The following TARS2 variants were observed in gnomAD, a reference collection of about 807,000 sequenced individuals.
TARS2 encodes the protein threonine--tRNA ligase, mitochondrial.
In TARS2, 61 loss-of-function variants were observed where a neutral mutation model predicts 94.4. The ratio of observed to expected loss-of-function variants is 0.65; its 90% CI spans 0.53 to 0.80. The LOEUF (loss-of-function observed/expected upper bound fraction) is 0.80, where lower values mean the gene tolerates loss of function less well. Among genes scored for constraint, TARS2 ranks in the 30% least tolerant of loss-of-function variants. The probability of loss-of-function intolerance (pLI) is 0.00; values close to 1 mark genes in which losing one functional copy is unlikely to be tolerated. For synonymous variants in TARS2, 359 were observed against 353.4 expected, an observed-to-expected ratio of 1.02 and a Z score of -0.18; for missense variants, 704 against 902.5, an observed-to-expected ratio of 0.78 and a Z score of 2.82.
In TARS2 at chr1:150,498,210, C is replaced by T. The variant is rs1669757846; in HGVS notation, c.1239-292C>T. ...GGAAACTCATTTTACCTCTTTAGGT[C>T]TCAGTCTCCTTAAAGTTGCTATCTA... On this transcript the variant is annotated intron_variant, in intron 10 of 17. Coordinates refer to ENST00000369064, the MANE Select transcript of TARS2 (RefSeq NM_025150.5). Among the ~76,000 whole-genome samples, 4 of 152,118 alleles carry T rather than the reference C, an allele frequency of 2.6e-5. No homozygotes were observed. The South Asian group carries it at 8.3e-4, about 32-fold the overall frequency.
chr1:150,505,082 C>T, intron 16 of TARS2, 104 bp downstream of exon 16: 3 of 1,094,672 alleles, frequency 2.7e-6, no homozygotes, highest in South Asian at 2.9e-5. Context: ...GGAAGGAGCA[C>T]AGCCCTCACA....
intron 6 of TARS2, 161 bp from the exon 7 acceptor site, chr1:150,492,250 C>T (rs1669429769): frequency 2.9e-6 from 2 of 685,860 alleles, no homozygotes; most frequent in Non-Finnish European, 4.9e-6. Context: ...AGACATGAGC[C>T]ACCGCGCCCT....
At chr1:150,490,521 C>T in intron 3 of TARS2, 80 bp from the exon 4 acceptor site, 1 of 1,520,504 alleles carries the variant, frequency 6.6e-7, no homozygotes, top group South Asian at 1.3e-5. Flanking sequence ...TTCCTACCAG[C>T]TTTTGTGAGG....
intron 3 of TARS2, chr1:150,489,448 C>T: frequency 3.0e-6 from 1 of 329,360 alleles, no homozygotes; most frequent in East Asian, 8.6e-5. Context: ...ACCTGGTCAC[C>T]TCCCCACCTT....
intron 9 of TARS2, among the ~76,000 whole-genome samples, 172 bp downstream of exon 9, chr1:150,497,080 C>T (rs1227137762): frequency 2.0e-5 from 3 of 152,014 alleles, no homozygotes; most frequent in Non-Finnish European, 2.9e-5. Flanking sequence ...GTCAGGAGTT[C>T]GAGACCAGCC....
At chr1:150,487,555 C>G in intron 1 of TARS2, 39 bp downstream of exon 1, 3 of 1,613,496 alleles carry the variant, frequency 1.9e-6, no homozygotes, top group Non-Finnish European at 2.5e-6. Flanking sequence ...CCGCATCAGA[C>G]TTAGCCCAGC....
At chr1:150,498,147 A>C (rs1308571431) in intron 10 of TARS2, among the ~76,000 whole-genome samples, 1 of 151,652 alleles carries the variant, frequency 6.6e-6, no homozygotes, top group East Asian at 1.9e-4. Context: ...CACCGATTTG[A>C]GCCTACAGTC....
rs1157412853 is a variant in TARS2, at chr1:150,490,690, T to C, written c.477T>C (p.Tyr159=). ...AVLCRGPSTE[Y]GFYHDFFLGK... ...TCTGCAGAGGTCCAAGTACAGAATA[T>C]GGCTTTTACCATGATTTCTTCCTGG... Residue 159 remains tyrosine, a synonymous_variant, in exon 4 of 18, where the codon TAT becomes TAC. Transcript: ENST00000369064. The C allele has an allele frequency of 6.2e-7, 1 of 1,613,926 alleles. No homozygotes were observed. Among genetic ancestry groups the C allele is most frequent in the South Asian group, 1.1e-5 (1 of 91,062 alleles).
intron 13 of TARS2, among the ~76,000 whole-genome samples, chr1:150,500,358 C>T (rs952145080): frequency 1.4e-5 from 2 of 145,324 alleles, no homozygotes; most frequent in South Asian, 2.2e-4. Context: ...GGGAGGCCGA[C>T]GTGGGTGGAT....
chr1:150,495,156 G>A (rs1669604174), intron 7 of TARS2, among the ~76,000 whole-genome samples: 1 of 151,598 alleles, frequency 6.6e-6, no homozygotes, highest in Non-Finnish European at 1.5e-5. Context: ...CTCCAGCCTG[G>A]GCGACAGCGA....
In TARS2 at chr1:150,499,215, G is replaced by A; in HGVS notation, c.1540-1G>A. On this transcript the variant is annotated splice_acceptor_variant, in intron 12 of 17. Coordinates refer to ENST00000369064, the MANE Select transcript of TARS2 (RefSeq NM_025150.5). LOFTEE classifies it high-confidence loss of function. ...TCCACTCTTGTCTCATTCCTTCAAA[G>A]GTCCTTAAACAGGCCCTGAAGGAAT... 1 of 1,614,124 alleles carries A rather than the reference G, an allele frequency of 6.2e-7. No individual in the cohort carries two copies. The highest frequency in any genetic ancestry group is 8.5e-7 in the Non-Finnish European group (1 of 1,180,022).
At chr1:150,493,543 C>T (rs1374335781) in intron 7 of TARS2, among the ~76,000 whole-genome samples, 1 of 151,726 alleles carries the variant, frequency 6.6e-6, no homozygotes, top group Admixed American at 6.6e-5. Flanking sequence ...CACCTGAGGT[C>T]GGGAGTTCAA....
chr1:150,488,797 A>C (rs1170017528), intron 2 of TARS2, among the ~76,000 whole-genome samples, 167 bp from the exon 3 acceptor site: 1 of 151,940 alleles, frequency 6.6e-6, no homozygotes, highest in African/African-American at 2.4e-5. Context: ...CAACCTCTTC[A>C]TCTCCCCTCC....
At chr1:150,499,713 T>C (rs112297415) in intron 13 of TARS2, among the ~76,000 whole-genome samples, 1 of 152,078 alleles carries the variant, frequency 6.6e-6, no homozygotes, top group African/African-American at 2.4e-5. Context: ...AAAAACAATA[T>C]ACTTTCTGCC....
chr1:150,503,585 A>ATATATATATGTG (rs1461714331), intron 13 of TARS2, among the ~76,000 whole-genome samples: 12 of 137,174 alleles, frequency 8.7e-5, no homozygotes, highest in African/African-American at 3.2e-4. Context: ...GTGTATATAT[A>ATATATATATGTG]TGTGTGTGTG....
rs1244209934 is a variant in TARS2, at chr1:150,498,593, G to T, written c.1330G>T (p.Gly444Cys). 6.2e-7 allele frequency: 1 copy of T among 1,612,348 alleles called. No individual in the cohort carries two copies. The highest frequency in any genetic ancestry group is 1.1e-5 in the South Asian group (1 of 90,868). ...GALHRAEASGGLGGLTRLRCF... is the reference protein window; with the variant it reads ...GALHRAEASGCLGGLTRLRCF... ...TCTACACCGGGCCGAAGCCTCTGGTGGTCTGGGGGGACTGACCCGACTGCG... is the reference window on the plus strand; with the variant it reads ...TCTACACCGGGCCGAAGCCTCTGGTTGTCTGGGGGGACTGACCCGACTGCG... The change falls in exon 11 of 18, where the codon GGT (glycine) becomes TGT (cysteine). Residue 444 changes from glycine to cysteine, a missense_variant. This residue lies in a region of TARS2 where 466 missense variants were observed against 609.5 expected (regional missense o/e 0.76). Transcript: ENST00000369064.
rs10581752 is a variant in TARS2 at position 150,506,486 on chromosome 1, G to GCACACACACACA, written c.2009-411_2009-400dup. 2.0e-3 allele frequency among the ~76,000 whole-genome samples: 249 copies of GCACACACACACA among 123,778 alleles called. 3 individuals are homozygous for GCACACACACACA. Among genetic ancestry groups the GCACACACACACA allele is most frequent in the African/African-American group, 6.7e-3 (228 of 33,934 alleles). The allele number at this position is 123,778 out of a possible 152,430, so 81.2% of individuals were successfully genotyped here. A position where few individuals can be genotyped will look rare whatever the true frequency, so the allele number is the denominator to read the frequency against. ...TAATACCCCCTTCAGACACGCGCGC[G>GCACACACACACA]CACACACACACACACACACACACAC... On this transcript the variant is annotated intron_variant, in intron 17 of 17. Coordinates refer to ENST00000369064, the MANE Select transcript of TARS2 (RefSeq NM_025150.5).
In TARS2 at chr1:150,507,237, C is replaced by A; in HGVS notation, c.*173C>A. The A allele has an allele frequency of 3.6e-6, 3 of 833,870 alleles. No individual in the cohort carries two copies. The highest frequency in any genetic ancestry group is 5.4e-6 in the Non-Finnish European group (3 of 556,492). 51.7% of individuals were successfully genotyped at this position (833,870 alleles called of 1,614,324 possible). ...TGGGGACCCCACAAAAGGAGGGAAG[C>A]TGTAGCTGTTTGGATGTGAGGAGAA... is the stretch of plus-strand genomic sequence containing the variant. On this transcript the variant is annotated 3_prime_UTR_variant, in exon 18 of 18. Coordinates refer to ENST00000369064, the MANE Select transcript of TARS2 (RefSeq NM_025150.5).
chr1:150,492,378 G>T, intron 6 of TARS2, 33 bp from the exon 7 acceptor site: 1 of 1,609,840 alleles, frequency 6.2e-7, no homozygotes, highest in Non-Finnish European at 8.5e-7. Context: ...TGAAGATTCT[G>T]AAAATCACTA....
Sources: gnomAD v4.1 joint callset for allele counts (sites outside exome capture counted in the v4.1 genomes callset) on GRCh38, gnomAD v4.1.1 for gene constraint, gnomAD v4.1.1 regional missense constraint, MANE v1.5 for transcripts, NCBI Gene and HGNC (gene_info 2026-07-23, HGNC 2026-07-21) for gene names.